KBTBD12: variants seen among roughly 807,000 people sequenced by gnomAD.
The protein encoded by KBTBD12 is kelch repeat and BTB domain containing 12.
In KBTBD12, 53 loss-of-function variants were observed where a neutral mutation model predicts 58.7. The observed-to-expected ratio is 0.90, with a 90% CI of 0.72 to 1.14. KBTBD12 has a LOEUF of 1.14. KBTBD12 is among the 50% of genes most tolerant of loss of function. KBTBD12 has a pLI of 0.00. For synonymous variants in KBTBD12, 236 were observed against 259.8 expected (o/e 0.91, Z 0.88); for missense variants, 704 against 751.3 (o/e 0.94, Z 0.74).
intron 4 of KBTBD12, among the ~76,000 whole-genome samples, chr3:127,930,802 T>C (rs1211903261): frequency 6.6e-6 from 1 of 152,184 alleles, no homozygotes; most frequent in Non-Finnish European, 1.5e-5. Flanking sequence ...ATATGTATGG[T>C]CTTGTACTAA....
chr3:127,937,605 G>A (rs1939856704), intron 4 of KBTBD12, among the ~76,000 whole-genome samples: 1 of 152,036 alleles, frequency 6.6e-6, no homozygotes, highest in Admixed American at 6.6e-5. Context: ...AGTTCTACAA[G>A]GAGAGGAAAG....
At chr3:127,954,563 G>A (rs1026895197) in intron 4 of KBTBD12, among the ~76,000 whole-genome samples, 7 of 152,224 alleles carry the variant, frequency 4.6e-5, no homozygotes, top group Non-Finnish European at 8.8e-5. Flanking sequence ...ATGAAAATGT[G>A]TATTCATGAA....
intron 1 of KBTBD12, among the ~76,000 whole-genome samples, chr3:127,919,749 A>C (rs1188547934): frequency 2.6e-5 from 4 of 152,126 alleles, no homozygotes; most frequent in Non-Finnish European, 5.9e-5. Flanking sequence ...ACACATTAAA[A>C]AGAAAATTCA....
chr3:127,987,028 A>G lies in KBTBD12; in HGVS notation c.*2750A>G, dbSNP rs1940982804. 1 of 152,522 alleles carries G rather than the reference A, an allele frequency of 6.6e-6. No individual in the cohort carries two copies. Among genetic ancestry groups the G allele is most frequent in the Non-Finnish European group, 1.5e-5 (1 of 68,178 alleles). 9.4% of individuals were successfully genotyped at this position (152,522 alleles called of 1,614,324 possible). A position where few individuals can be genotyped will look rare whatever the true frequency, so the allele number is the denominator to read the frequency against. The stretch of plus-strand genomic sequence containing the variant: ...TAATGCGAGGTCTGGGCAGTGTCCC[A>G]GTGGAACTTTCCAGAGAGTGCCAAG... On this transcript the variant is annotated 3_prime_UTR_variant, in exon 6 of 6. Transcript: ENST00000405109.
rs371201163 is a variant in KBTBD12 at position 127,984,173 on chromosome 3, C to T, written c.1767C>T (p.Asn589=). 2.2e-5 allele frequency: 35 copies of T among 1,613,624 alleles called. 1 individual carries two copies. The Middle Eastern group carries it at 5.0e-4, about 23-fold the overall frequency. Residue 589 remains asparagine (N), a synonymous_variant, in exon 6 of 6, where the codon AAC becomes AAT. Coordinates refer to ENST00000405109, the MANE Select transcript of KBTBD12 (RefSeq NM_207335.4). ...ACCAGTGGAATGTTGTAGCCATCAA[C>T]GTCCTCATGCATGACAGCTATGATG... The part of the protein sequence containing the change: ...WENQWNVVAI[N]VLMHDSYDVC...
chr3:127,984,038 T>C, intron 5 of KBTBD12, 59 bp from the exon 6 acceptor site: 1 of 1,374,674 alleles, frequency 7.3e-7, no homozygotes, highest in Non-Finnish European at 1.0e-6. Context: ...ATGGTGCTGA[T>C]GGCCTCTGAA....
chr3:127,963,129 G>A, intron 4 of KBTBD12, 60 bp from the exon 5 acceptor site: 2 of 1,405,846 alleles, frequency 1.4e-6, no homozygotes, highest in East Asian at 2.4e-5. Context: ...AGGGGGCAGT[G>A]CTGTCCACAA....
At chr3:127,942,605 G>A (rs1293843144) in intron 4 of KBTBD12, among the ~76,000 whole-genome samples, 4 of 149,378 alleles carry the variant, frequency 2.7e-5, no homozygotes, top group Admixed American at 1.3e-4. Context: ...CAATGAAGAT[G>A]AGCATTCTTG....
At chr3:127,930,048 C>T in intron 3 of KBTBD12, 85 bp from the exon 4 acceptor site, 1 of 1,231,140 alleles carries the variant, frequency 8.1e-7, no homozygotes, top group East Asian at 2.6e-5. Context: ...ATCTCCTTGG[C>T]TGTCTGCTTT....
At chr3:127,921,868 A>G (rs1315200553) in intron 1 of KBTBD12, among the ~76,000 whole-genome samples, 2 of 152,108 alleles carry the variant, frequency 1.3e-5, no homozygotes, top group Non-Finnish European at 2.9e-5. Flanking sequence ...TCACTTCTCA[A>G]AACTCTTCAG....
intron 4 of KBTBD12, among the ~76,000 whole-genome samples, chr3:127,934,027 A>C (rs1383144260): frequency 1.3e-5 from 2 of 152,136 alleles, no homozygotes; most frequent in Admixed American, 6.6e-5. Flanking sequence ...TCACAACACA[A>C]GCAAAGGAAA....
At chr3:127,971,624 C>T (rs1940683659) in intron 5 of KBTBD12, among the ~76,000 whole-genome samples, 1 of 152,186 alleles carries the variant, frequency 6.6e-6, no homozygotes, top group Non-Finnish European at 1.5e-5. Flanking sequence ...GTCTTCCCTT[C>T]CTCCAGGATG....
At position 127,987,084 on chromosome 3, in the gene KBTBD12, G is replaced by T. The variant is rs1940984653; in HGVS notation, c.*2806G>T. ...ACCGAGAAGGGGCATGACCTCTGCT[G>T]GAGCCAGGAGGGCAGTGACCAGGAG... On this transcript the variant is annotated 3_prime_UTR_variant, in exon 6 of 6. Coordinates refer to ENST00000405109, the MANE Select transcript of KBTBD12 (RefSeq NM_207335.4). The T allele has an allele frequency of 6.6e-6, 1 of 152,328 alleles. No homozygotes were observed. The highest frequency in any genetic ancestry group is 2.1e-4 in the South Asian group (1 of 4,830). The allele number at this position is 152,328 out of a possible 1,614,324, so 9.4% of individuals were successfully genotyped here.
At chr3:127,930,108 A>T in intron 3 of KBTBD12, 25 bp from the exon 4 acceptor site, 1 of 1,555,516 alleles carries the variant, frequency 6.4e-7, no homozygotes. Flanking sequence ...ATATGTTATT[A>T]TATTGGCTGT....
chr3:127,924,789 G>A (rs1299848977), intron 2 of KBTBD12, among the ~76,000 whole-genome samples: 1 of 152,164 alleles, frequency 6.6e-6, no homozygotes, highest in African/African-American at 2.4e-5. Context: ...TCCTAGAATT[G>A]TAGTAAGAGG....
chr3:127,968,313 G>A (rs1940618210), intron 5 of KBTBD12, among the ~76,000 whole-genome samples: 3 of 152,140 alleles, frequency 2.0e-5, no homozygotes, highest in Non-Finnish European at 2.9e-5. Context: ...TACAGAATGA[G>A]GGAGCCAGTA....
Position 127,923,279 on chromosome 3 carries a change from T to C in KBTBD12, c.218T>C (p.Ile73Thr). Reference protein sequence around the residue: ...GLLECNQREVILYDITAESVS... With the variant: ...GLLECNQREVTLYDITAESVS... ...CTTGAATGTAATCAAAGGGAAGTCA[T>C]ACTTTATGACATCACAGCAGAAAGT... Residue 73 changes from isoleucine to threonine, a missense_variant, in exon 2 of 6, where the codon ATA becomes ACA. Coordinates refer to ENST00000405109, the MANE Select transcript of KBTBD12 (RefSeq NM_207335.4). 2.5e-6 allele frequency: 4 copies of C among 1,613,818 alleles called. No homozygotes were observed. Among genetic ancestry groups the C allele is most frequent in the Non-Finnish European group, 3.4e-6 (4 of 1,179,756 alleles).
intron 5 of KBTBD12, among the ~76,000 whole-genome samples, chr3:127,963,938 A>T (rs992745920): frequency 1.3e-5 from 2 of 152,226 alleles, no homozygotes; most frequent in Admixed American, 1.3e-4. Context: ...ACTTGAAATA[A>T]ATGGCTTGAA....
chr3:127,922,536 AT>A (rs894647728), intron 1 of KBTBD12, among the ~76,000 whole-genome samples: 1 of 152,078 alleles, frequency 6.6e-6, no homozygotes, highest in African/African-American at 2.4e-5. Context: ...AGTTCGGTGT[AT>A]TTTTTGGAGG....
Sources: allele counts gnomAD v4.1 joint callset (sites outside exome capture counted in the v4.1 genomes callset), GRCh38; gene constraint gnomAD v4.1.1; transcripts MANE v1.5; gene names NCBI Gene and HGNC (gene_info 2026-07-23, HGNC 2026-07-21).